Variants in DPP8 observed in about 807,000 individuals in gnomAD.
DPP8 encodes the protein dipeptidyl peptidase 8, also known as DPP VIII.
In DPP8, 31 loss-of-function variants were observed where a neutral mutation model predicts 107.5. That is an observed-to-expected ratio of 0.29 (90% CI 0.22 to 0.39). DPP8 has a LOEUF of 0.39. DPP8 is among the 10% of genes least tolerant of loss of function. DPP8 has a pLI of 1.00. For synonymous variants in DPP8, 381 were observed against 356.6 expected, an observed-to-expected ratio of 1.07 and a Z score of -0.77; for missense variants, 842 against 1,076.1, an observed-to-expected ratio of 0.78 and a Z score of 3.04.
chr15:65,448,122 T>C (rs1168611668), intron 19 of DPP8, among the ~76,000 whole-genome samples: 2 of 152,150 alleles, frequency 1.3e-5, no homozygotes, highest in Non-Finnish European at 2.9e-5. Flanking sequence ...AGTAGCCCAT[T>C]CCCTGTAGTC....
chr15:65,515,733 A>T, intron 1 of DPP8: 1 of 1,578,660 alleles, frequency 6.3e-7, no homozygotes, highest in Non-Finnish European at 8.7e-7. Context: ...TCAAGCATAG[A>T]ATCCCTCTGC....
chr15:65,465,692 A>G (rs2065285856), intron 14 of DPP8, among the ~76,000 whole-genome samples: 1 of 151,372 alleles, frequency 6.6e-6, no homozygotes, highest in Non-Finnish European at 1.5e-5. Context: ...AGTAGCTGGG[A>G]CTACAGGCGT....
Position 65,446,736 on chromosome 15 carries a change from C to T in DPP8, c.*148G>A. 1.4e-6 allele frequency: 1 copy of T among 694,886 alleles called. No individual in the cohort carries two copies. The highest frequency in any genetic ancestry group is 2.2e-6 in the Non-Finnish European group (1 of 455,534). The allele number at this position is 694,886 out of a possible 1,614,324, so 43.0% of individuals were successfully genotyped here. ...TAGATTACTACCACAAACCGTAGAC[C>T]CCTGCATGGCACCACATTTATTTTC... On this transcript the variant is annotated 3_prime_UTR_variant, in exon 20 of 20. Transcript: ENST00000300141.
chr15:65,512,378 A>G lies in DPP8; in HGVS notation c.176T>C (p.Met59Thr). Residue 59 changes from methionine (M) to threonine (T), a missense_variant, in exon 2 of 20, where the codon ATG (methionine) becomes ACG (threonine). Coordinates refer to ENST00000300141, the MANE Select transcript of DPP8 (RefSeq NM_130434.5). ...LADTRKYHGY[M>T]MAKAPHDFMF... ...GAAATCATGTGGTGCCTTAGCCATC[A>G]TGTAGCCATGATATTTTCTGGTATC... is the stretch of plus-strand genomic sequence containing the variant. 1 of 1,614,160 alleles carries G rather than the reference A, an allele frequency of 6.2e-7. No homozygotes were observed. The highest frequency in any genetic ancestry group is 8.5e-7 in the Non-Finnish European group (1 of 1,180,036).
chr15:65,505,502 T>C (rs540414240), intron 3 of DPP8, among the ~76,000 whole-genome samples: 1 of 152,330 alleles, frequency 6.6e-6, no homozygotes. Flanking sequence ...AAAATTTCCA[T>C]TATAAAAGTT....
Position 65,487,684 on chromosome 15 carries a change from C to G in DPP8, c.955+6G>C. ...AGTGAATATAAATGCCAATGGAGTACAGTACCTGTTTTAGGATAACGGAAT... is the reference window on the plus strand; with the variant it reads ...AGTGAATATAAATGCCAATGGAGTAGAGTACCTGTTTTAGGATAACGGAAT... On this transcript the variant is annotated splice_donor_region_variant and intron_variant, in intron 7 of 19. Coordinates refer to ENST00000300141, the MANE Select transcript of DPP8 (RefSeq NM_130434.5). 1.2e-6 allele frequency: 2 copies of G among 1,604,796 alleles called. No homozygotes were observed. The highest frequency in any genetic ancestry group is 1.7e-6 in the Non-Finnish European group (2 of 1,176,624).
chr15:65,454,901 CT>C (rs1289949865), intron 16 of DPP8, among the ~76,000 whole-genome samples: 6 of 152,230 alleles, frequency 3.9e-5, no homozygotes, highest in Admixed American at 3.3e-4. Flanking sequence ...TTTTAAAAAT[CT>C]ATTTGGAGAT....
At chr15:65,489,250 C>T (rs925368623) in intron 6 of DPP8, among the ~76,000 whole-genome samples, 1 of 152,016 alleles carries the variant, frequency 6.6e-6, no homozygotes, top group Non-Finnish European at 1.5e-5. Flanking sequence ...TGAGTCACTG[C>T]GCCCAGCCAA....
chr15:65,500,579 A>T (rs1039693131), intron 4 of DPP8, 27 bp downstream of exon 4: 2 of 1,606,366 alleles, frequency 1.2e-6, no homozygotes, highest in African/African-American at 1.3e-5. Flanking sequence ...CCCAAACCAG[A>T]TTTAATCACT....
chr15:65,493,228 C>T (rs186588430), intron 5 of DPP8, among the ~76,000 whole-genome samples: 3 of 152,124 alleles, frequency 2.0e-5, no homozygotes, highest in African/African-American at 4.8e-5. Flanking sequence ...GGATTACAGG[C>T]GTGTGCCACC....
chr15:65,466,114 A>G (rs757062948), intron 14 of DPP8, among the ~76,000 whole-genome samples: 6 of 152,074 alleles, frequency 3.9e-5, no homozygotes, highest in African/African-American at 7.2e-5. Flanking sequence ...ATTGTTTCCT[A>G]GCTGACACCT....
chr15:65,515,532 A>C, intron 1 of DPP8: 1 of 748,960 alleles, frequency 1.3e-6, no homozygotes. Context: ...CATTCTCAAA[A>C]TAGGTGACCT....
intron 2 of DPP8, chr15:65,512,055 T>C (rs773401990): frequency 1.1e-5 from 7 of 644,942 alleles, no homozygotes; most frequent in Non-Finnish European, 2.0e-5. Flanking sequence ...GAAGAAGCAA[T>C]TTCTGGCATC....
At chr15:65,498,101 T>G in intron 4 of DPP8, 69 bp from the exon 5 acceptor site, 1 of 1,162,284 alleles carries the variant, frequency 8.6e-7, no homozygotes, top group East Asian at 2.6e-5. Flanking sequence ...ACCCTTCCTA[T>G]AAGATGAACA....
intron 14 of DPP8, among the ~76,000 whole-genome samples, chr15:65,465,480 C>T (rs897260019): frequency 1.3e-5 from 2 of 149,742 alleles, no homozygotes; most frequent in African/African-American, 4.9e-5. Context: ...ATTTCTTAAC[C>T]CCTTAGCAGA....
At chr15:65,514,412 A>AG (rs2071184838) in intron 1 of DPP8, among the ~76,000 whole-genome samples, 1 of 152,182 alleles carries the variant, frequency 6.6e-6, no homozygotes, top group Non-Finnish European at 1.5e-5. Context: ...TGTGGTGGTT[A>AG]TATACTATCA....
intron 10 of DPP8, 36 bp downstream of exon 10, chr15:65,480,186 G>T (rs369097222): frequency 1.2e-5 from 19 of 1,567,996 alleles, no homozygotes; most frequent in Non-Finnish European, 1.6e-5. Flanking sequence ...AGCATTCTGA[G>T]AAAATATTTA....
chr15:65,468,866 C>A (rs1317953994), intron 12 of DPP8, among the ~76,000 whole-genome samples: 1 of 152,178 alleles, frequency 6.6e-6, no homozygotes, highest in African/African-American at 2.4e-5. Flanking sequence ...CCTGTAACTA[C>A]TTAACATCCA....
chr15:65,509,911 C>G (rs992170117), intron 2 of DPP8, among the ~76,000 whole-genome samples: 6 of 152,062 alleles, frequency 3.9e-5, no homozygotes, highest in Non-Finnish European at 7.4e-5. Context: ...GTCCCAGCTA[C>G]TTGGGAGGCT....
Sources: allele counts gnomAD v4.1 joint callset (sites outside exome capture counted in the v4.1 genomes callset), GRCh38; gene constraint gnomAD v4.1.1; transcripts MANE v1.5; gene names NCBI Gene and HGNC (gene_info 2026-07-23, HGNC 2026-07-21).